KMT2C: variants seen among roughly 807,000 people sequenced by gnomAD.
KMT2C encodes lysine methyltransferase 2C.
KMT2C carries 88 observed loss-of-function variants against 507.9 expected under a neutral mutation model. The observed-to-expected ratio is 0.17, with a 90% CI of 0.15 to 0.21. The LOEUF (loss-of-function observed/expected upper bound fraction) is 0.21, where lower values mean the gene tolerates loss of function less well. Ranked by LOEUF, KMT2C falls within the 10% of genes least tolerant of loss-of-function variation. The pLI is 1.00. For missense variants in KMT2C, 4,954 were observed against 5,957.8 expected (o/e 0.83, Z 5.55); for synonymous variants, 2,049 against 2,080.8 (o/e 0.98, Z 0.42).
intron 56 of KMT2C, 49 bp downstream of exon 56, chr7:152,139,626 G>A (rs867035179): frequency 8.0e-6 from 10 of 1,249,166 alleles, no homozygotes; most frequent in Middle Eastern, 1.9e-4. Flanking sequence ...ACGGAGAAAG[G>A]GAGAGGATGA....
intron 58 of KMT2C, chr7:152,137,162 C>T: frequency 2.2e-6 from 1 of 455,680 alleles, no homozygotes; most frequent in Non-Finnish European, 4.0e-6. Flanking sequence ...GGGAGCCTGA[C>T]CAGAGAAAGC....
intron 1 of KMT2C, among the ~76,000 whole-genome samples, chr7:152,373,688 T>C (rs1418415480): frequency 6.6e-6 from 1 of 152,090 alleles, no homozygotes; most frequent in African/African-American, 2.4e-5. Flanking sequence ...TTCTTTAAGA[T>C]TGTCAGATCA....
Position 152,227,279 on chromosome 7 carries a change from G to A in KMT2C, c.2976+2644C>T, listed in dbSNP as rs541076679. On this transcript the variant is annotated intron_variant, in intron 18 of 58. Transcript: ENST00000262189. ...GGTTGTACTATCATTTTTTTCTTCC[G>A]TTGAACCAGTCTAGCCTTAGTTTTA... is the stretch of plus-strand genomic sequence containing the variant. Among the ~76,000 whole-genome samples the A allele has an allele frequency of 2.2e-4, 34 of 151,962 alleles. 2 individuals carry two copies. Among genetic ancestry groups the A allele is most frequent in the African/African-American group, 7.7e-4 (32 of 41,438 alleles).
chr7:152,429,291 TG>T (rs2097847280), intron 1 of KMT2C, among the ~76,000 whole-genome samples: 1 of 152,170 alleles, frequency 6.6e-6, no homozygotes, highest in South Asian at 2.1e-4. Flanking sequence ...ACTTAAGACT[TG>T]TTAAACAATT....
intron 9 of KMT2C, among the ~76,000 whole-genome samples, chr7:152,261,826 T>G (rs189677172): frequency 2.0e-4 from 30 of 152,208 alleles, no homozygotes; most frequent in Non-Finnish European, 3.2e-4. Flanking sequence ...TAGCAGAGTT[T>G]TTCCTTTCCA....
intron 23 of KMT2C, among the ~76,000 whole-genome samples, chr7:152,209,527 C>T (rs1399962536): frequency 1.4e-5 from 2 of 147,988 alleles, no homozygotes; most frequent in African/African-American, 5.0e-5. Context: ...GTTAAAATTA[C>T]ATTCTCCTGA....
At position 152,297,059 on chromosome 7, in the gene KMT2C, G is replaced by GAAAGAAAGAAAGAAAGAAAGAAAGAA. The variant is rs1563767704; in HGVS notation, c.849+12906_849+12907insTTCTTTCTTTCTTTCTTTCTTTCTTT. Among the ~76,000 whole-genome samples, 246 of 64,404 alleles carry GAAAGAAAGAAAGAAAGAAAGAAAGAA rather than the reference G, an allele frequency of 3.8e-3. 7 individuals are homozygous for GAAAGAAAGAAAGAAAGAAAGAAAGAA. The highest frequency in any genetic ancestry group is 0.014 in the African/African-American group (237 of 17,294). The allele number at this position is 64,404 out of a possible 152,430, so 42.3% of individuals were successfully genotyped here. On this transcript the variant is annotated intron_variant, in intron 6 of 58. Coordinates refer to ENST00000262189, the MANE Select transcript of KMT2C (RefSeq NM_170606.3). The stretch of plus-strand genomic sequence containing the variant: ...AAAGAAAGAAAGAAAGAAAGACAGA[G>GAAAGAAAGAAAGAAAGAAAGAAAGAA]AGAGAGAGAGAGAGAGAGAGAGAGA...
At chr7:152,334,666 A>G (rs1289944679) in intron 2 of KMT2C, among the ~76,000 whole-genome samples, 1 of 151,994 alleles carries the variant, frequency 6.6e-6, no homozygotes, top group Non-Finnish European at 1.5e-5. Flanking sequence ...GCTCTTCACT[A>G]AATTATAGTC....
Position 152,435,891 on chromosome 7 carries a change from C to T in KMT2C, c.-105G>A. On this transcript the variant is annotated 5_prime_UTR_variant, in exon 1 of 59. Transcript: ENST00000262189. ...TGCTGCTCGGGTTCCTCCTCCCCGG[C>T]TCAGCCTCTCGCATTTCCCGCAGCC... 7.9e-7 allele frequency: 1 copy of T among 1,258,924 alleles called. No individual in the cohort carries two copies. Among genetic ancestry groups the T allele is most frequent in the Non-Finnish European group, 1.0e-6 (1 of 954,276 alleles). The allele number at this position is 1,258,924 out of a possible 1,614,324, so 78.0% of individuals were successfully genotyped here.
intron 54 of KMT2C, 93 bp downstream of exon 54, chr7:152,145,060 C>G (rs2090967151): frequency 1.3e-6 from 2 of 1,490,712 alleles, no homozygotes; most frequent in East Asian, 2.3e-5. Context: ...AGCCAGACAG[C>G]AGGGTTTGTA....
At chr7:152,235,522 C>A (rs2095250508) in intron 16 of KMT2C, among the ~76,000 whole-genome samples, 1 of 128,458 alleles carries the variant, frequency 7.8e-6, no homozygotes, top group Non-Finnish European at 1.7e-5. Context: ...AAGCAAATAT[C>A]TATCAATCTT....
At chr7:152,201,673 T>C (rs1473787809) in intron 26 of KMT2C, among the ~76,000 whole-genome samples, 2 of 149,112 alleles carry the variant, frequency 1.3e-5, no homozygotes, top group African/African-American at 5.0e-5. Flanking sequence ...GGATTTTTTT[T>C]CCTGACCAAT....
intron 1 of KMT2C, among the ~76,000 whole-genome samples, chr7:152,432,941 G>T (rs942985058): frequency 8.6e-5 from 13 of 151,142 alleles, no homozygotes; most frequent in Non-Finnish European, 1.8e-4. Flanking sequence ...GAGGTCGGGG[G>T]TTCAAGACCA....
At chr7:152,223,835 G>A (rs551054641) in intron 20 of KMT2C, among the ~76,000 whole-genome samples, 180 bp downstream of exon 20, 40 of 152,070 alleles carry the variant, frequency 2.6e-4, no homozygotes, top group African/African-American at 9.4e-4. Context: ...ATTTTAGTCC[G>A]GAGTTGAGAA....
intron 1 of KMT2C, among the ~76,000 whole-genome samples, chr7:152,385,702 T>C (rs1324025676): frequency 6.7e-6 from 1 of 148,234 alleles, no homozygotes; most frequent in Admixed American, 6.8e-5. Context: ...GATTTAACTG[T>C]CAATTTTTTT....
chr7:152,254,647 C>A (rs2095615802), intron 9 of KMT2C, among the ~76,000 whole-genome samples: 1 of 152,176 alleles, frequency 6.6e-6, no homozygotes, highest in South Asian at 2.1e-4. Flanking sequence ...GCCCGAGAGG[C>A]ATTCCCACTA....
intron 2 of KMT2C, among the ~76,000 whole-genome samples, chr7:152,343,131 T>C (rs1242508581): frequency 2.6e-5 from 4 of 151,862 alleles, no homozygotes; most frequent in Non-Finnish European, 5.9e-5. Flanking sequence ...AAACACAGTA[T>C]AGAGCAACAT....
chr7:152,290,872 T>C (rs2096415646), intron 6 of KMT2C, among the ~76,000 whole-genome samples: 1 of 152,050 alleles, frequency 6.6e-6, no homozygotes, highest in Non-Finnish European at 1.5e-5. Flanking sequence ...TTTACAAAAA[T>C]ATTATCCTAT....
At chr7:152,414,824 TAA>T (rs1322485894) in intron 1 of KMT2C, among the ~76,000 whole-genome samples, 6 of 151,908 alleles carry the variant, frequency 3.9e-5, no homozygotes, top group Non-Finnish European at 5.9e-5. Flanking sequence ...GGTAATGAAA[TAA>T]GTTAACTTCT....
Sources: allele counts gnomAD v4.1 joint callset (sites outside exome capture counted in the v4.1 genomes callset), GRCh38; gene constraint gnomAD v4.1.1; transcripts MANE v1.5; gene names NCBI Gene and HGNC (gene_info 2026-07-23, HGNC 2026-07-21).